The following SOX5 variants were observed in gnomAD, a reference collection of about 807,000 sequenced individuals.
SOX5 encodes the protein SRY-box transcription factor 5, also known as transcription factor SOX-5.
SOX5 carries 9 observed loss-of-function variants against 92.0 expected under a neutral mutation model. The observed-to-expected ratio is 0.10, with a 90% CI of 0.06 to 0.17. The LOEUF (loss-of-function observed/expected upper bound fraction) is 0.17, where lower values mean the gene tolerates loss of function less well. Ranked by LOEUF, SOX5 falls within the 10% of genes least tolerant of loss-of-function variation. The pLI, the probability that SOX5 is intolerant of heterozygous loss-of-function variation, is 1.00. For synonymous variants in SOX5, 344 were observed against 336.3 expected (o/e 1.02, Z -0.25); for missense variants, 642 against 944.5 (o/e 0.68, Z 4.20).
intron 3 of SOX5, among the ~76,000 whole-genome samples, chr12:23,787,397 C>T (rs1023928877): frequency 1.3e-5 from 2 of 151,866 alleles, no homozygotes; most frequent in Non-Finnish European, 2.9e-5. Context: ...TTTTCAATTC[C>T]TTTGTGACTA....
chr12:23,618,441 T>C (rs1261791779), intron 8 of SOX5, among the ~76,000 whole-genome samples: 1 of 152,194 alleles, frequency 6.6e-6, no homozygotes, highest in Non-Finnish European at 1.5e-5. Flanking sequence ...AACAGCATTC[T>C]AACTCAATAT....
intron 3 of SOX5, among the ~76,000 whole-genome samples, chr12:23,781,643 C>A (rs879432471): frequency 6.6e-6 from 1 of 151,918 alleles, no homozygotes; most frequent in Non-Finnish European, 1.5e-5. Context: ...AGTAAAACTT[C>A]AAGCACATTA....
At chr12:24,193,190 G>A (rs1233407725) in intron 4 of SOX5, among the ~76,000 whole-genome samples, 3 of 152,186 alleles carry the variant, frequency 2.0e-5, no homozygotes, top group Admixed American at 1.3e-4. Context: ...AACAAAAACA[G>A]AACCTGCAGG....
intron 1 of SOX5, among the ~76,000 whole-genome samples, chr12:24,455,270 T>TCTA (rs1942873713): frequency 6.6e-6 from 1 of 152,210 alleles, no homozygotes; most frequent in Non-Finnish European, 1.5e-5. Flanking sequence ...GAAGAGTTCC[T>TCTA]CTATTTGAAA....
intron 4 of SOX5, among the ~76,000 whole-genome samples, chr12:24,085,081 G>A (rs1176858165): frequency 8.7e-6 from 1 of 115,190 alleles, no homozygotes; most frequent in Non-Finnish European, 1.8e-5. Context: ...GAGGGCGCAT[G>A]TTCTTAGCAT....
chr12:23,943,345 ACATTT>A (rs1456745567), intron 1 of SOX5, among the ~76,000 whole-genome samples: 4 of 152,090 alleles, frequency 2.6e-5, no homozygotes, highest in African/African-American at 9.7e-5. Context: ...ACCACACTCC[ACATTT>A]CATTTAAGTC....
At chr12:23,680,265 G>A (rs778461427) in intron 6 of SOX5, among the ~76,000 whole-genome samples, 1 of 144,772 alleles carries the variant, frequency 6.9e-6, no homozygotes, top group Non-Finnish European at 1.5e-5. Flanking sequence ...GGTGGAGGCT[G>A]CAGTAAGCTG....
chr12:23,636,820 C>G (rs2079313333), intron 8 of SOX5, among the ~76,000 whole-genome samples: 1 of 152,102 alleles, frequency 6.6e-6, no homozygotes, highest in African/African-American at 2.4e-5. Flanking sequence ...AAGGGCAATG[C>G]CTCCAAAGTT....
At chr12:23,619,581 C>T (rs537206455) in intron 8 of SOX5, among the ~76,000 whole-genome samples, 217 of 152,172 alleles carry the variant, frequency 1.4e-3, no homozygotes, top group African/African-American at 4.9e-3. Context: ...TGCTCTGAAA[C>T]AAAGAGACAA....
intron 6 of SOX5, among the ~76,000 whole-genome samples, chr12:23,704,840 A>C (rs1454958475): frequency 1.3e-5 from 2 of 151,152 alleles, no homozygotes; most frequent in Non-Finnish European, 3.0e-5. Flanking sequence ...CTTGTAAAGA[A>C]TTAATAGTGA....
chr12:23,972,570 G>T (rs1948463739), intron 4 of SOX5, among the ~76,000 whole-genome samples: 1 of 151,998 alleles, frequency 6.6e-6, no homozygotes, highest in African/African-American at 2.4e-5. Context: ...TGTTGGCCAG[G>T]CTAGTCTCGA....
chr12:24,426,218 C>T (rs969184682), intron 1 of SOX5, among the ~76,000 whole-genome samples: 4 of 144,596 alleles, frequency 2.8e-5, no homozygotes, highest in African/African-American at 1.0e-4. Flanking sequence ...AACAAACAAA[C>T]AAACAAAAAA....
intron 2 of SOX5, among the ~76,000 whole-genome samples, chr12:24,361,358 C>T (rs938572788): frequency 5.3e-5 from 8 of 152,120 alleles, no homozygotes; most frequent in African/African-American, 7.2e-5. Context: ...GTGTGAATCC[C>T]GCCCCACCTC....
chr12:23,705,028 C>G (rs1195816703), intron 6 of SOX5, among the ~76,000 whole-genome samples: 1 of 151,728 alleles, frequency 6.6e-6, no homozygotes, highest in Admixed American at 6.6e-5. Context: ...TCTATGTTAA[C>G]TAAACTTTTC....
At chr12:24,177,201 T>C (rs547077768) in intron 4 of SOX5, among the ~76,000 whole-genome samples, 2 of 152,312 alleles carry the variant, frequency 1.3e-5, no homozygotes, top group African/African-American at 2.4e-5. Context: ...GTGCTATTAC[T>C]ACCTGCATTT....
chr12:23,566,167 C>G (rs750200869), intron 10 of SOX5, among the ~76,000 whole-genome samples: 1 of 152,210 alleles, frequency 6.6e-6, no homozygotes, highest in Non-Finnish European at 1.5e-5. Flanking sequence ...TCCACCATCT[C>G]TACCACCTCA....
rs575232123 is a variant in SOX5 at position 24,009,542 on chromosome 12, G to GTA, written c.-1-113520_-1-113519dup. On this transcript the variant is annotated intron_variant, in intron 4 of 4. Transcript: ENST00000446891. ...CCTCAAATTTAGAGCAGAATCTTATGTATATATATATTAAATTTTGGAGTG... is the reference window on the plus strand; with the variant it reads ...CCTCAAATTTAGAGCAGAATCTTATGTATATATATATATTAAATTTTGGAGTG... Among the ~76,000 whole-genome samples the GTA allele has an allele frequency of 2.0e-4, 31 of 152,072 alleles. No homozygotes were observed. In the South Asian group the frequency reaches 3.1e-3, roughly 15 times the overall value.
At chr12:23,949,745 TC>T, upstream of SOX5, 2 of 949,240 alleles carry the variant, frequency 2.1e-6, no homozygotes, top group Non-Finnish European at 1.5e-6. Context: ...TCTCTCTCTC[TC>T]TCTCTCCCTC....
At chr12:23,962,333 A>G (rs1163184690) in intron 4 of SOX5, among the ~76,000 whole-genome samples, 1 of 152,142 alleles carries the variant, frequency 6.6e-6, no homozygotes, top group Non-Finnish European at 1.5e-5. Flanking sequence ...ATGGAACCAT[A>G]AATTCTATAG....
Sources: allele counts gnomAD v4.1 joint callset (sites outside exome capture counted in the v4.1 genomes callset), GRCh38; gene constraint gnomAD v4.1.1; transcripts MANE v1.5; gene names NCBI Gene and HGNC (gene_info 2026-07-23, HGNC 2026-07-21).